The following CNKSR2 variants were observed in gnomAD, a reference collection of about 807,000 sequenced individuals.
CNKSR2 encodes the protein CNK homolog protein 2.
Under a neutral mutation model 84.4 loss-of-function variants are expected in CNKSR2, and 14 were observed. The ratio of observed to expected loss-of-function variants is 0.17; its 90% CI spans 0.11 to 0.26. The LOEUF (loss-of-function observed/expected upper bound fraction) is 0.26. Among genes scored for constraint, CNKSR2 ranks in the 10% least tolerant of loss-of-function variants. CNKSR2 has a pLI of 1.00. For synonymous variants in CNKSR2, 275 were observed against 277.9 expected (o/e 0.99, Z 0.10); for missense variants, 485 against 771.2 (o/e 0.63, Z 4.40).
intron 5 of CNKSR2, among the ~76,000 whole-genome samples, chrX:21,490,165 G>A (rs992963723): frequency 9.0e-6 from 1 of 111,485 alleles, no homozygotes; most frequent in Non-Finnish European, 1.9e-5. Flanking sequence ...GATTAAGTTT[G>A]TTTAACCATC....
At chrX:21,493,342 T>G (rs1417858873) in intron 6 of CNKSR2, 1 of 112,229 alleles carries the variant, frequency 8.9e-6, no homozygotes, top group Admixed American at 9.4e-5. Flanking sequence ...GGGTCATCCC[T>G]GGGGAAACCT....
intron 1 of CNKSR2, among the ~76,000 whole-genome samples, chrX:21,398,147 T>G (rs1164823867): frequency 8.9e-6 from 1 of 111,918 alleles, no homozygotes; most frequent in African/African-American, 3.2e-5. Context: ...AGCAGTGTGA[T>G]ATCTGCATTT....
intron 9 of CNKSR2, among the ~76,000 whole-genome samples, chrX:21,524,045 T>A (rs1489199736): frequency 9.0e-6 from 1 of 110,886 alleles, no homozygotes; most frequent in Non-Finnish European, 1.9e-5. Flanking sequence ...TAATGTCTAG[T>A]TTTTTTAATA....
chrX:21,486,693 A>G (rs1475320037), intron 5 of CNKSR2, among the ~76,000 whole-genome samples: 3 of 112,210 alleles, frequency 2.7e-5, no homozygotes, highest in Non-Finnish European at 5.6e-5. Context: ...TTATAATAAA[A>G]GGGTATTTTT....
intron 11 of CNKSR2, among the ~76,000 whole-genome samples, chrX:21,556,883 C>T: frequency 9.1e-6 from 1 of 110,284 alleles, no homozygotes; most frequent in Middle Eastern, 4.2e-3. Flanking sequence ...GGAGAAATTA[C>T]AGCATGTTTA....
chrX:21,481,617 C>T (rs2091320461), intron 5 of CNKSR2, among the ~76,000 whole-genome samples: 1 of 110,947 alleles, frequency 9.0e-6, no homozygotes, highest in African/African-American at 3.3e-5. Flanking sequence ...TTTAAGGTCT[C>T]TTGTCAGTTG....
intron 1 of CNKSR2, among the ~76,000 whole-genome samples, chrX:21,375,707 CAG>C (rs897863637): frequency 9.8e-5 from 11 of 112,407 alleles, no homozygotes; most frequent in African/African-American, 3.6e-4. Flanking sequence ...GGCTCAACGC[CAG>C]ATGTAAGGTG....
At chrX:21,509,827 A>G (rs769594373) in intron 8 of CNKSR2, among the ~76,000 whole-genome samples, 2 of 112,184 alleles carry the variant, frequency 1.8e-5, no homozygotes, top group South Asian at 3.7e-4. Flanking sequence ...ATCAAAATTC[A>G]TTATTTCTGA....
chrX:21,556,985 C>A (rs755915515), intron 11 of CNKSR2, among the ~76,000 whole-genome samples: 1 of 109,299 alleles, frequency 9.1e-6, no homozygotes, highest in Non-Finnish European at 1.9e-5. Context: ...TTGAGTAGGT[C>A]GGAGGGAATA....
chrX:21,626,469 T>C (rs768591618), intron 20 of CNKSR2, among the ~76,000 whole-genome samples: 1 of 111,362 alleles, frequency 9.0e-6, no homozygotes, highest in South Asian at 3.9e-4. Context: ...CCAATATAGA[T>C]GTATTAATGT....
intron 20 of CNKSR2, among the ~76,000 whole-genome samples, chrX:21,638,664 A>T (rs905014983): frequency 1.8e-5 from 2 of 112,030 alleles, no homozygotes; most frequent in Non-Finnish European, 1.9e-5. Flanking sequence ...AAACAGAAGC[A>T]TTACTGATTT....
intron 5 of CNKSR2, among the ~76,000 whole-genome samples, chrX:21,481,893 C>A (rs2091323875): frequency 9.0e-6 from 1 of 111,517 alleles, no homozygotes; most frequent in Admixed American, 9.5e-5. Flanking sequence ...CTGCTGACAA[C>A]CTGAATGAAC....
In CNKSR2 at chrX:21,631,462, CA is replaced by C. The variant is rs1173031718; in HGVS notation, c.2693-17366del. On this transcript the variant is annotated intron_variant, in intron 20 of 21. Transcript: ENST00000379510. ...CTTTATACATTTTGTGGAAACAATCCAAATATTTCTGCCTATTTATTTATCT... is the reference window on the plus strand; with the variant it reads ...CTTTATACATTTTGTGGAAACAATCCAATATTTCTGCCTATTTATTTATCT... Among the ~76,000 whole-genome samples the C allele has an allele frequency of 2.7e-5, 3 of 111,791 alleles. No individual in the cohort carries two copies. The East Asian group carries it at 8.3e-4, about 31-fold the overall frequency.
At chrX:21,496,063 GAC>G (rs1189590217) in intron 6 of CNKSR2, among the ~76,000 whole-genome samples, 1 of 110,418 alleles carries the variant, frequency 9.1e-6, no homozygotes, top group Non-Finnish European at 1.9e-5. Flanking sequence ...AGGCAATTGT[GAC>G]ACAGTGTTAA....
At chrX:21,631,745 G>T (rs1451028765) in intron 20 of CNKSR2, among the ~76,000 whole-genome samples, 1 of 112,019 alleles carries the variant, frequency 8.9e-6, no homozygotes, top group East Asian at 2.8e-4. Flanking sequence ...GCAGTATGTA[G>T]AATAAAATAA....
In CNKSR2 at chrX:21,447,356, G is replaced by A. The variant is rs762512689; in HGVS notation, c.519+6575G>A. Among the ~76,000 whole-genome samples the A allele has an allele frequency of 7.1e-4, 79 of 111,288 alleles. No homozygotes were observed. The Middle Eastern group carries it at 0.014, about 20-fold the overall frequency. On this transcript the variant is annotated intron_variant, in intron 4 of 21. Transcript: ENST00000379510. ...TCATCTTTACAGCTGTGAATATCAT[G>A]TTCTCAAAATTTTATTGCTTATTAT...
intron 11 of CNKSR2, among the ~76,000 whole-genome samples, chrX:21,558,329 C>T (rs1331586043): frequency 9.0e-6 from 1 of 111,086 alleles, no homozygotes; most frequent in Non-Finnish European, 1.9e-5. Flanking sequence ...AAAATCAATA[C>T]TTATAAGCAA....
At chrX:21,490,857 A>G (rs2091435434) in intron 6 of CNKSR2, 4 of 156,704 alleles carry the variant, frequency 2.6e-5, no homozygotes, top group Non-Finnish European at 4.9e-5. Context: ...CTCCCTCCCT[A>G]CCAAAGTTCC....
chrX:21,418,198 T>G (rs769957075), intron 1 of CNKSR2, among the ~76,000 whole-genome samples: 1 of 112,054 alleles, frequency 8.9e-6, no homozygotes, highest in South Asian at 3.7e-4. Context: ...ATACTCCCAC[T>G]ATTTAACTTT....
Sources: allele counts gnomAD v4.1 joint callset (sites outside exome capture counted in the v4.1 genomes callset), GRCh38; gene constraint gnomAD v4.1.1; transcripts MANE v1.5; gene names NCBI Gene and HGNC (gene_info 2026-07-23, HGNC 2026-07-21).